Variants in APBA1 observed in about 807,000 individuals in gnomAD.
APBA1 encodes amyloid-beta A4 precursor protein-binding family A member 1.
Under a neutral mutation model 86.6 loss-of-function variants are expected in APBA1, and 55 were observed. The ratio of observed to expected loss-of-function variants is 0.64; its 90% CI spans 0.51 to 0.80. APBA1 has a LOEUF of 0.80. APBA1 is among the 30% of genes least tolerant of loss of function. The pLI, the probability that APBA1 is intolerant of heterozygous loss-of-function variation, is 0.00. For missense variants in APBA1, 1,090 were observed against 1,183.0 expected (o/e 0.92, Z 1.15); for synonymous variants, 511 against 493.9 (o/e 1.03, Z -0.46).
chr9:69,544,592 A>T (rs1379927741), intron 1 of APBA1, among the ~76,000 whole-genome samples: 2 of 152,192 alleles, frequency 1.3e-5, no homozygotes, highest in Non-Finnish European at 2.9e-5. Flanking sequence ...CCTTATACAC[A>T]GGGTCCTTCA....
intron 1 of APBA1, among the ~76,000 whole-genome samples, chr9:69,668,489 T>TA (rs1386449170): frequency 1.3e-5 from 2 of 152,300 alleles, no homozygotes; most frequent in African/African-American, 4.8e-5. Flanking sequence ...CAATAGAGTC[T>TA]ATCTGGTCTC....
rs1471683439 is a variant in APBA1 at position 69,429,346 on chromosome 9, G to C, written c.*1981C>G. The C allele has an allele frequency of 1.3e-5, 2 of 152,266 alleles. No individual in the cohort carries two copies. Among genetic ancestry groups the C allele is most frequent in the African/African-American group, 4.8e-5 (2 of 41,460 alleles). The allele number at this position is 152,266 out of a possible 1,614,324, so 9.4% of individuals were successfully genotyped here. On this transcript the variant is annotated 3_prime_UTR_variant, in exon 13 of 13. Coordinates refer to ENST00000265381, the MANE Select transcript of APBA1 (RefSeq NM_001163.4). ...CCTTCCTGGTCCTCACGTTTGTGAT[G>C]GGTTGACCTTGAGGCTGGTCTCCCA...
At chr9:69,606,404 C>T (rs1357102272) in intron 1 of APBA1, among the ~76,000 whole-genome samples, 1 of 150,448 alleles carries the variant, frequency 6.6e-6, no homozygotes, top group Non-Finnish European at 1.5e-5. Context: ...TATTGTATCG[C>T]CTACTTTTTT....
intron 1 of APBA1, among the ~76,000 whole-genome samples, chr9:69,650,061 G>T (rs949019234): frequency 1.3e-5 from 2 of 152,312 alleles, no homozygotes; most frequent in Non-Finnish European, 1.5e-5. Context: ...TAAACAGGAA[G>T]ATGAGAGACA....
At chr9:69,623,781 C>T (rs749114439) in intron 1 of APBA1, among the ~76,000 whole-genome samples, 1 of 152,172 alleles carries the variant, frequency 6.6e-6, no homozygotes, top group African/African-American at 2.4e-5. Context: ...CACTGGAGAA[C>T]ACAGTTGACA....
rs541346831 is a variant in APBA1 at position 69,446,835 on chromosome 9, G to A, written c.2181+2749C>T. ...GAAAGGAGGTGACTCCAGGCCATGAGCTGGAGTCTTAAGGGCCTCAGGAAG... is the reference window on the plus strand; with the variant it reads ...GAAAGGAGGTGACTCCAGGCCATGAACTGGAGTCTTAAGGGCCTCAGGAAG... On this transcript the variant is annotated intron_variant, in intron 10 of 12. Transcript: ENST00000265381. 2.6e-5 allele frequency among the ~76,000 whole-genome samples: 4 copies of A among 152,334 alleles called. No individual in the cohort carries two copies. In the South Asian group the frequency reaches 6.2e-4, roughly 24 times the overall value.
chr9:69,592,638 C>A (rs1822153024), intron 1 of APBA1, among the ~76,000 whole-genome samples: 1 of 152,106 alleles, frequency 6.6e-6, no homozygotes, highest in Non-Finnish European at 1.5e-5. Context: ...CTGATGAGAT[C>A]TGATGGTTTT....
chr9:69,619,705 A>T (rs1822776855), intron 1 of APBA1, among the ~76,000 whole-genome samples: 1 of 152,224 alleles, frequency 6.6e-6, no homozygotes, highest in Admixed American at 6.5e-5. Flanking sequence ...TGCTTAAACA[A>T]TAAAACCTGC....
chr9:69,625,009 T>C (rs930786590), intron 1 of APBA1, among the ~76,000 whole-genome samples: 1 of 152,180 alleles, frequency 6.6e-6, no homozygotes, highest in Non-Finnish European at 1.5e-5. Flanking sequence ...CCTCCATAGT[T>C]CCTTCATGGA....
chr9:69,625,373 T>C (rs138683906), intron 1 of APBA1, among the ~76,000 whole-genome samples: 4 of 152,318 alleles, frequency 2.6e-5, no homozygotes, highest in Non-Finnish European at 5.9e-5. Flanking sequence ...AGCTGATAGT[T>C]TTATTGAACA....
chr9:69,456,455 GGT>G lies in APBA1; in HGVS notation c.1603-25_1603-24del, dbSNP rs760579040. The G allele has an allele frequency of 5.2e-5, 81 of 1,561,372 alleles. No homozygotes were observed. In the African/African-American group the frequency reaches 9.5e-4, roughly 18 times the overall value. ...CTCCTGGAGGCAGGAAGAGAGGGCGGGTAAGTCCAGCTCAGCATCTAATGACC... is the reference window on the plus strand; with the variant it reads ...CTCCTGGAGGCAGGAAGAGAGGGCGGAAGTCCAGCTCAGCATCTAATGACC... On this transcript the variant is annotated intron_variant, in intron 7 of 12. Transcript: ENST00000265381.
chr9:69,625,261 T>C (rs892568696), intron 1 of APBA1, among the ~76,000 whole-genome samples: 1 of 152,220 alleles, frequency 6.6e-6, no homozygotes, highest in African/African-American at 2.4e-5. Context: ...TCAAAGTCTG[T>C]ATATTTCACT....
chr9:69,471,511 A>C lies in APBA1; in HGVS notation c.1336+145T>G, dbSNP rs1674233903. On this transcript the variant is annotated intron_variant, in intron 4 of 12. Transcript: ENST00000265381. The stretch of plus-strand genomic sequence containing the variant: ...TCCCAGCTATCATTCTTTGAGTCTA[A>C]GATCCTAAGACTGCTAACATTGTGA... 3.1e-5 allele frequency: 22 copies of C among 703,832 alleles called. No individual in the cohort carries two copies. In the South Asian group the frequency reaches 3.7e-4, roughly 12 times the overall value. The allele number at this position is 703,832 out of a possible 1,614,324, so 43.6% of individuals were successfully genotyped here. A position where few individuals can be genotyped will look rare whatever the true frequency, so the allele number is the denominator to read the frequency against.
chr9:69,618,265 T>C (rs1018079769), intron 1 of APBA1, among the ~76,000 whole-genome samples: 1 of 152,186 alleles, frequency 6.6e-6, no homozygotes, highest in Non-Finnish European at 1.5e-5. Flanking sequence ...AGACTCTTCA[T>C]TGGCTCCCTA....
At chr9:69,618,830 CT>C (rs1190722389) in intron 1 of APBA1, among the ~76,000 whole-genome samples, 3 of 152,216 alleles carry the variant, frequency 2.0e-5, no homozygotes, top group African/African-American at 7.2e-5. Flanking sequence ...AGGGTAAAAA[CT>C]TGTTAGAGGC....
At chr9:69,637,552 T>C (rs1461136265) in intron 1 of APBA1, among the ~76,000 whole-genome samples, 1 of 152,216 alleles carries the variant, frequency 6.6e-6, no homozygotes, top group Non-Finnish European at 1.5e-5. Context: ...TAAATCCTTG[T>C]AGGCTGCTTT....
rs375544982 is a variant in APBA1, at chr9:69,517,506, CCCCTCACACTGAGCGCCT to C, written c.-69-245_-69-228del. 5.5e-3 allele frequency among the ~76,000 whole-genome samples: 844 copies of C among 152,250 alleles called. 12 individuals carry two copies. The highest frequency in any genetic ancestry group is 0.019 in the African/African-American group (807 of 41,552). On this transcript the variant is annotated intron_variant, in intron 1 of 12. Transcript: ENST00000265381. Reference sequence around the variant, plus strand: ...TGCTTATTGCCTTTCTCCGTTCCCACCCCTCACACTGAGCGCCTCAGGAACGTTTTGTTCTCCACCACG... The same window carrying C: ...TGCTTATTGCCTTTCTCCGTTCCCACCAGGAACGTTTTGTTCTCCACCACG...
At chr9:69,457,177 C>T in intron 6 of APBA1, 38 bp from the exon 7 acceptor site, 2 of 1,529,590 alleles carry the variant, frequency 1.3e-6, no homozygotes, top group Non-Finnish European at 1.8e-6. Context: ...AGTTTGACCA[C>T]ACTACCCTGA....
chr9:69,489,706 C>CA (rs1336723366), intron 2 of APBA1, among the ~76,000 whole-genome samples: 3 of 151,472 alleles, frequency 2.0e-5, no homozygotes, highest in Non-Finnish European at 4.4e-5. Flanking sequence ...TTTATGCAGC[C>CA]AAAAAACACA....
Sources: allele counts gnomAD v4.1 joint callset (sites outside exome capture counted in the v4.1 genomes callset), GRCh38; gene constraint gnomAD v4.1.1; transcripts MANE v1.5; gene names NCBI Gene and HGNC (gene_info 2026-07-23, HGNC 2026-07-21).